Variants in ACOT7 observed in about 807,000 individuals in gnomAD.
ACOT7 encodes the protein cytosolic acyl coenzyme A thioester hydrolase.
A neutral mutation model predicts 40.2 loss-of-function variants in ACOT7; 12 were observed. That is an observed-to-expected ratio of 0.30 (90% CI 0.19 to 0.48). ACOT7 has a LOEUF of 0.48. ACOT7 is among the 20% of genes least tolerant of loss of function. The pLI is 0.99. For synonymous variants in ACOT7, 228 were observed against 219.5 expected, an observed-to-expected ratio of 1.04 and a Z score of -0.34; for missense variants, 395 against 530.8, an observed-to-expected ratio of 0.74 and a Z score of 2.51.
chr1:6,313,922 C>T (rs890575210), intron 6 of ACOT7, among the ~76,000 whole-genome samples: 20 of 152,144 alleles, frequency 1.3e-4, no homozygotes, highest in African/African-American at 4.6e-4. Context: ...CACTGGAGGA[C>T]ATGTTCCACC....
chr1:6,366,476 C>T (rs1037050000), intron 1 of ACOT7, among the ~76,000 whole-genome samples: 10 of 151,748 alleles, frequency 6.6e-5, no homozygotes, highest in African/African-American at 2.4e-4. Context: ...GTCCCAGTTA[C>T]TTGAGAGGCT....
In ACOT7 at chr1:6,282,015, A is replaced by G. The variant is rs1043992341; in HGVS notation, c.830-729T>C. ...GCCCCATTTCTCTGTGAATCATGACAAAGTCCAAAGTCACCAGTTCCCATA... is the reference window on the plus strand; with the variant it reads ...GCCCCATTTCTCTGTGAATCATGACGAAGTCCAAAGTCACCAGTTCCCATA... On this transcript the variant is annotated intron_variant, in intron 7 of 8. Coordinates refer to ENST00000361521, the MANE Select transcript of ACOT7 (RefSeq NM_007274.4). This position sits in a 1 kb window ranked among gnomAD's most constrained non-coding sequence, Gnocchi z 4.5. Among the ~76,000 whole-genome samples, 3 of 152,024 alleles carry G rather than the reference A, an allele frequency of 2.0e-5. No homozygotes were observed. The highest frequency in any genetic ancestry group is 4.4e-5 in the Non-Finnish European group (3 of 67,998).
At chr1:6,312,338 G>A (rs1640360689) in intron 6 of ACOT7, among the ~76,000 whole-genome samples, 1 of 152,184 alleles carries the variant, frequency 6.6e-6, no homozygotes. Flanking sequence ...AACTAAAAGA[G>A]TGTAAGTGGA....
chr1:6,370,173 T>C (rs1024590307), intron 1 of ACOT7, among the ~76,000 whole-genome samples: 1 of 152,134 alleles, frequency 6.6e-6, no homozygotes, highest in African/African-American at 2.4e-5. Context: ...CTCACTTCTC[T>C]GGCCATGTGA....
chr1:6,339,738 G>GTTTTT, intron 2 of ACOT7, 149 bp from the exon 3 acceptor site: 2 of 762,290 alleles, frequency 2.6e-6, no homozygotes, highest in Non-Finnish European at 1.9e-6. Flanking sequence ...TTGGCACCGC[G>GTTTTT]GTTTTTTTTT....
At chr1:6,343,435 T>G (rs1641331247) in intron 2 of ACOT7, among the ~76,000 whole-genome samples, 1 of 152,242 alleles carries the variant, frequency 6.6e-6, no homozygotes, top group Non-Finnish European at 1.5e-5. Flanking sequence ...TGTGACTGCA[T>G]CTGGGGCTGG....
chr1:6,267,541 CCT>C (rs1487139120), intron 8 of ACOT7, among the ~76,000 whole-genome samples: 5 of 152,236 alleles, frequency 3.3e-5, no homozygotes, highest in African/African-American at 1.2e-4. Flanking sequence ...GGAGATGATG[CCT>C]CTCTGATGGT....
At chr1:6,370,929 G>A (rs1227839063) in intron 1 of ACOT7, among the ~76,000 whole-genome samples, 1 of 151,906 alleles carries the variant, frequency 6.6e-6, no homozygotes, top group Non-Finnish European at 1.5e-5. Flanking sequence ...TCCTACCTCA[G>A]CCTCCTGAGT....
chr1:6,300,263 C>G (rs918129055), intron 6 of ACOT7, among the ~76,000 whole-genome samples: 1 of 152,168 alleles, frequency 6.6e-6, no homozygotes, highest in African/African-American at 2.4e-5. Context: ...CAGGACAGCA[C>G]ATGGACACAG....
At chr1:6,281,315 G>A (rs376035990) in intron 7 of ACOT7, 29 bp from the exon 8 acceptor site, 4 of 1,590,952 alleles carry the variant, frequency 2.5e-6, no homozygotes, top group Non-Finnish European at 2.6e-6. Flanking sequence ...GGGGGTCAGG[G>A]CGGCCTCCAC....
chr1:6,324,229 T>C (rs777643684), intron 5 of ACOT7, among the ~76,000 whole-genome samples: 1 of 152,020 alleles, frequency 6.6e-6, no homozygotes, highest in Non-Finnish European at 1.5e-5. Context: ...GAGTCAAAGA[T>C]GCAGATGTTC....
intron 1 of ACOT7, among the ~76,000 whole-genome samples, chr1:6,383,349 G>C (rs538408016): frequency 6.7e-6 from 1 of 150,202 alleles, no homozygotes; most frequent in Admixed American, 6.6e-5. Context: ...CATGACGCCT[G>C]GCTAATTTTT....
chr1:6,377,898 G>A (rs780165395), intron 1 of ACOT7, among the ~76,000 whole-genome samples: 10 of 151,994 alleles, frequency 6.6e-5, no homozygotes, highest in African/African-American at 9.7e-5. Context: ...GTGAAACCCC[G>A]TCTCTACTAA....
At chr1:6,277,494 C>T (rs1208184962) in intron 8 of ACOT7, among the ~76,000 whole-genome samples, 5 of 152,254 alleles carry the variant, frequency 3.3e-5, no homozygotes, top group Non-Finnish European at 7.3e-5. Flanking sequence ...CGCCCATATG[C>T]GTGAGCCCCA....
chr1:6,268,569 C>G (rs887822356), intron 8 of ACOT7, among the ~76,000 whole-genome samples: 1 of 152,136 alleles, frequency 6.6e-6, no homozygotes, highest in African/African-American at 2.4e-5. Flanking sequence ...TGTGCACAGG[C>G]GCGATTTTCC....
At position 6,306,979 on chromosome 1, in the gene ACOT7, T is replaced by A; in HGVS notation, c.712+11513A>T. ...GGCCTCACTTGCGTCCCCTCCCATG[T>A]TTTCTCTGCCTTCCCTTTCCTCTGC... is the stretch of plus-strand genomic sequence containing the variant. On this transcript the variant is annotated intron_variant, in intron 6 of 8. Transcript: ENST00000361521. This position sits in a 1 kb window ranked among gnomAD's most constrained non-coding sequence, Gnocchi z 4.3. 1 of 1,225,486 alleles carries A rather than the reference T, an allele frequency of 8.2e-7. No individual in the cohort carries two copies. Among genetic ancestry groups the A allele is most frequent in the South Asian group, 1.3e-5 (1 of 78,974 alleles). 75.9% of individuals were successfully genotyped at this position (1,225,486 alleles called of 1,614,324 possible).
intron 2 of ACOT7, among the ~76,000 whole-genome samples, chr1:6,348,249 C>T (rs1276398692): frequency 3.3e-5 from 5 of 152,160 alleles, no homozygotes; most frequent in Admixed American, 6.5e-5. Flanking sequence ...CTGTACCACA[C>T]GACATCCCCC....
At chr1:6,390,995 T>C (rs1462373447) in intron 1 of ACOT7, among the ~76,000 whole-genome samples, 1 of 150,032 alleles carries the variant, frequency 6.7e-6, no homozygotes, top group East Asian at 2.0e-4. Flanking sequence ...TCTAAAGCTA[T>C]ACAAAAATCT....
At chr1:6,297,498 C>G (rs984829239) in intron 6 of ACOT7, among the ~76,000 whole-genome samples, 3 of 152,178 alleles carry the variant, frequency 2.0e-5, no homozygotes, top group Non-Finnish European at 4.4e-5. Context: ...GTGGGGGCCC[C>G]GAGCAGAGGC....
Sources: allele counts gnomAD v4.1 joint callset (sites outside exome capture counted in the v4.1 genomes callset), GRCh38; gene constraint gnomAD v4.1.1; non-coding constraint Gnocchi (gnomAD v3.1); transcripts MANE v1.5; gene names NCBI Gene and HGNC (gene_info 2026-07-23, HGNC 2026-07-21).